Variants in ADCY8 observed in about 807,000 individuals in gnomAD.
ADCY8 encodes adenylate cyclase 8.
Under a neutral mutation model 119.7 loss-of-function variants are expected in ADCY8, and 51 were observed. The observed-to-expected ratio is 0.43, with a 90% CI of 0.34 to 0.54. ADCY8 has a LOEUF of 0.54. Among genes scored for constraint, ADCY8 ranks in the 20% least tolerant of loss-of-function variants. ADCY8 has a pLI of 0.03. For synonymous variants in ADCY8, 665 were observed against 651.0 expected (o/e 1.02, Z -0.33); for missense variants, 1,383 against 1,598.8 (o/e 0.87, Z 2.30).
At chr8:131,026,714 A>G (rs1266031743) in intron 1 of ADCY8, among the ~76,000 whole-genome samples, 1 of 152,224 alleles carries the variant, frequency 6.6e-6, no homozygotes, top group Non-Finnish European at 1.5e-5. Flanking sequence ...TGCAGGGGTT[A>G]AGCCAGGTGA....
chr8:130,836,883 G>A (rs1210416825), intron 11 of ADCY8, among the ~76,000 whole-genome samples: 1 of 151,998 alleles, frequency 6.6e-6, no homozygotes, highest in African/African-American at 2.4e-5. Context: ...ACAGGCACAT[G>A]CCACCACACC....
intron 9 of ADCY8, 68 bp downstream of exon 9, chr8:130,867,778 C>G: frequency 8.8e-7 from 1 of 1,140,678 alleles, no homozygotes; most frequent in Non-Finnish European, 1.3e-6. Context: ...GAAAAGTCAG[C>G]TGGCTGACTC....
intron 6 of ADCY8, among the ~76,000 whole-genome samples, chr8:130,904,928 G>T (rs1819731780): frequency 6.6e-6 from 1 of 152,162 alleles, no homozygotes; most frequent in Non-Finnish European, 1.5e-5. Context: ...GACTAGCAAG[G>T]TAAGGTGGTT....
chr8:130,897,876 C>T (rs1490358538), intron 7 of ADCY8, among the ~76,000 whole-genome samples: 1 of 151,222 alleles, frequency 6.6e-6, no homozygotes, highest in Non-Finnish European at 1.5e-5. Flanking sequence ...CACACACATA[C>T]ACCACATACA....
intron 2 of ADCY8, among the ~76,000 whole-genome samples, chr8:130,954,051 G>T (rs72714495): frequency 0.036 from 5,510 of 152,254 alleles, 145 homozygotes; most frequent in South Asian, 0.06. Context: ...CAATGGCTGG[G>T]GATGTTTAAT....
intron 7 of ADCY8, among the ~76,000 whole-genome samples, chr8:130,901,220 A>AT (rs888966648): frequency 2.4e-5 from 3 of 124,480 alleles, no homozygotes; most frequent in Non-Finnish European, 5.2e-5. Context: ...CTCTAAAGTG[A>AT]TTTTTTTTCC....
chr8:130,884,782 A>G, intron 7 of ADCY8, 21 bp from the exon 8 acceptor site: 1 of 1,610,238 alleles, frequency 6.2e-7, no homozygotes, highest in Non-Finnish European at 8.5e-7. Context: ...AGCACATGCA[A>G]ACACAATAAA....
chr8:131,032,762 G>A (rs969495622), intron 1 of ADCY8, among the ~76,000 whole-genome samples: 1 of 152,166 alleles, frequency 6.6e-6, no homozygotes, highest in Admixed American at 6.6e-5. Context: ...AAACTCACAT[G>A]ATATAATTTG....
intron 1 of ADCY8, among the ~76,000 whole-genome samples, chr8:131,000,967 C>T (rs778624301): frequency 7.9e-5 from 12 of 152,052 alleles, no homozygotes; most frequent in Non-Finnish European, 1.0e-4. Context: ...TCAAATGCAT[C>T]GTAAAAAATA....
chr8:131,000,244 A>C (rs1018412348), intron 1 of ADCY8, among the ~76,000 whole-genome samples: 1 of 152,188 alleles, frequency 6.6e-6, no homozygotes, highest in African/African-American at 2.4e-5. Context: ...GATCTGATGG[A>C]GACCTTTGAT....
intron 1 of ADCY8, among the ~76,000 whole-genome samples, chr8:130,991,021 A>C (rs957556414): frequency 1.3e-5 from 2 of 152,206 alleles, no homozygotes. Context: ...CTTGGATAGA[A>C]TCCAAGTCTT....
intron 15 of ADCY8, among the ~76,000 whole-genome samples, chr8:130,785,678 G>A (rs1381323829): frequency 1.3e-5 from 2 of 152,182 alleles, no homozygotes; most frequent in African/African-American, 2.4e-5. Flanking sequence ...GAGTGGAGAT[G>A]GGTGTAAATT....
intron 5 of ADCY8, among the ~76,000 whole-genome samples, chr8:130,914,341 C>T (rs902884882): frequency 5.3e-5 from 8 of 152,242 alleles, no homozygotes; most frequent in African/African-American, 1.9e-4. Context: ...CAGCACACGG[C>T]GCTAATGTCA....
At chr8:130,878,342 T>G (rs1288248589) in intron 8 of ADCY8, among the ~76,000 whole-genome samples, 2 of 152,246 alleles carry the variant, frequency 1.3e-5, no homozygotes, top group African/African-American at 4.8e-5. Context: ...CTGTCCTTTA[T>G]GCTCACTTCT....
intron 2 of ADCY8, among the ~76,000 whole-genome samples, chr8:130,961,069 A>C (rs1243643507): frequency 6.6e-6 from 1 of 152,130 alleles, no homozygotes; most frequent in East Asian, 1.9e-4. Flanking sequence ...CAAAAAGCAC[A>C]AAGGAGGCCT....
intron 6 of ADCY8, among the ~76,000 whole-genome samples, chr8:130,908,938 A>G (rs1406590008): frequency 6.6e-6 from 1 of 151,484 alleles, no homozygotes; most frequent in Non-Finnish European, 1.5e-5. Flanking sequence ...GAAATCTGTG[A>G]CTCCAAGGGC....
chr8:130,850,782 C>T (rs1232682536), intron 9 of ADCY8, among the ~76,000 whole-genome samples: 1 of 152,120 alleles, frequency 6.6e-6, no homozygotes, highest in Non-Finnish European at 1.5e-5. Context: ...ACCTTCTTTT[C>T]CTAACACCAT....
rs182929745 is a variant in ADCY8 at position 130,994,665 on chromosome 8, G to A, written c.961-4123C>T. Among the ~76,000 whole-genome samples, 18 of 152,196 alleles carry A rather than the reference G, an allele frequency of 1.2e-4. 1 individual carries two copies. In the East Asian group the frequency reaches 1.7e-3, roughly 15 times the overall value. Reference sequence around the variant, plus strand: ...GCATGAACATTTTGAAAAATCTCTCGTATTGCTTAGTTTGACTTCAGTTGT... The same window carrying A: ...GCATGAACATTTTGAAAAATCTCTCATATTGCTTAGTTTGACTTCAGTTGT... On this transcript the variant is annotated intron_variant, in intron 1 of 17. Transcript: ENST00000286355.
intron 1 of ADCY8, among the ~76,000 whole-genome samples, chr8:131,023,576 G>T (rs1212894153): frequency 6.6e-6 from 1 of 152,102 alleles, no homozygotes; most frequent in Non-Finnish European, 1.5e-5. Context: ...AAAAGGAGCT[G>T]CCACTATTCT....
Sources: gnomAD v4.1 joint callset for allele counts (sites outside exome capture counted in the v4.1 genomes callset) on GRCh38, gnomAD v4.1.1 for gene constraint, MANE v1.5 for transcripts, NCBI Gene and HGNC (gene_info 2026-07-23, HGNC 2026-07-21) for gene names.